Variants in CHDH observed in about 807,000 individuals in gnomAD.
CHDH encodes choline dehydrogenase, mitochondrial.
A neutral mutation model predicts 56.9 loss-of-function variants in CHDH; 43 were observed. That is an observed-to-expected ratio of 0.76 (90% CI 0.59 to 0.97). The LOEUF is 0.97. CHDH is among the 50% of genes least tolerant of loss of function. CHDH has a pLI of 0.00. For synonymous variants in CHDH, 364 were observed against 348.5 expected (o/e 1.04, Z -0.50); for missense variants, 816 against 821.1 (o/e 0.99, Z 0.08).
rs1053998560 is a variant in CHDH at position 53,813,777 on chromosome 3, G to A, written c.*4000C>T. 7.2e-5 allele frequency: 11 copies of A among 152,138 alleles called. No homozygotes were observed. The highest frequency in any genetic ancestry group is 2.7e-4 in the African/African-American group (11 of 41,422). 9.4% of individuals were successfully genotyped at this position (152,138 alleles called of 1,614,324 possible). On this transcript the variant is annotated 3_prime_UTR_variant, in exon 9 of 9. Coordinates refer to ENST00000315251, the MANE Select transcript of CHDH (RefSeq NM_018397.5). ...GGTTTTTTGTTTTCCCTTGTCTTAG[G>A]AAAGTTTTAAGATGAAATGTTTTTC...
At chr3:53,832,343 A>G (rs1698361046) in intron 2 of CHDH, among the ~76,000 whole-genome samples, 1 of 152,172 alleles carries the variant, frequency 6.6e-6, no homozygotes, top group African/African-American at 2.4e-5. Context: ...CATCCTGGAT[A>G]ACATGGTGAA....
At position 53,813,294 on chromosome 3, in the gene CHDH, GTTC is replaced by G. The variant is rs2095608871; in HGVS notation, c.*4480_*4482del. 6.6e-6 allele frequency: 1 copy of G among 152,144 alleles called. No individual in the cohort carries two copies. The highest frequency in any genetic ancestry group is 1.5e-5 in the Non-Finnish European group (1 of 68,016). The allele number at this position is 152,144 out of a possible 1,614,324, so 9.4% of individuals were successfully genotyped here. ...ATCCTTTTTTATTAAAATGCAAAATGTTCTTCAGAATAAAACTGTGTAATAATT... is the reference window on the plus strand; with the variant it reads ...ATCCTTTTTTATTAAAATGCAAAATGTTCAGAATAAAACTGTGTAATAATT... On this transcript the variant is annotated 3_prime_UTR_variant, in exon 9 of 9. Transcript: ENST00000315251.
intron 2 of CHDH, among the ~76,000 whole-genome samples, chr3:53,835,868 C>G (rs964810113): frequency 6.6e-6 from 1 of 152,130 alleles, no homozygotes; most frequent in African/African-American, 2.4e-5. Context: ...GAGAGGGAAA[C>G]GAGCCTGAAG....
chr3:53,814,536 G>T lies in CHDH; in HGVS notation c.*3241C>A, dbSNP rs1490084240. The T allele has an allele frequency of 6.6e-6, 1 of 152,182 alleles. No individual in the cohort carries two copies. The highest frequency in any genetic ancestry group is 1.5e-5 in the Non-Finnish European group (1 of 68,038). 9.4% of individuals were successfully genotyped at this position (152,182 alleles called of 1,614,324 possible). ...GAGGGCAGCCTGAGCCACTAAACAG[G>T]TCCAGTAGAGATGGTATTTTATCTT... is the stretch of plus-strand genomic sequence containing the variant. On this transcript the variant is annotated 3_prime_UTR_variant, in exon 9 of 9. Coordinates refer to ENST00000315251, the MANE Select transcript of CHDH (RefSeq NM_018397.5).
intron 6 of CHDH, 104 bp downstream of exon 6, chr3:53,820,370 T>C: frequency 5.9e-6 from 8 of 1,363,800 alleles, no homozygotes; most frequent in Non-Finnish European, 1.0e-6. Context: ...AATGGCATAG[T>C]TCCGCATCAA....
Position 53,822,473 on chromosome 3 carries a change from C to T in CHDH, c.855+18G>A. On this transcript the variant is annotated intron_variant, in intron 4 of 8. Coordinates refer to ENST00000315251, the MANE Select transcript of CHDH (RefSeq NM_018397.5). Reference sequence around the variant, plus strand: ...TGCCCACCCCCTTCTTCCAGGACCCCAGCTGCAGTCCACTCACCCTGTGGC... The same window carrying T: ...TGCCCACCCCCTTCTTCCAGGACCCTAGCTGCAGTCCACTCACCCTGTGGC... 6.3e-7 allele frequency: 1 copy of T among 1,598,140 alleles called. No individual in the cohort carries two copies. Among genetic ancestry groups the T allele is most frequent in the East Asian group, 2.2e-5 (1 of 44,494 alleles).
At position 53,815,381 on chromosome 3, in the gene CHDH, TCCTC is replaced by T. The variant is rs1223816945; in HGVS notation, c.*2392_*2395del. 1 of 152,248 alleles carries T rather than the reference TCCTC, an allele frequency of 6.6e-6. No individual in the cohort carries two copies. Among genetic ancestry groups the T allele is most frequent in the Non-Finnish European group, 1.5e-5 (1 of 68,058 alleles). The allele number at this position is 152,248 out of a possible 1,614,324, so 9.4% of individuals were successfully genotyped here. ...AGTGCCTTTCTCCCCCATGCTGGCTTCCTCAGGTGACAGCCTCTCCTCCTGGGGT... is the reference window on the plus strand; with the variant it reads ...AGTGCCTTTCTCCCCCATGCTGGCTTAGGTGACAGCCTCTCCTCCTGGGGT... On this transcript the variant is annotated 3_prime_UTR_variant, in exon 9 of 9. Transcript: ENST00000315251.
intron 2 of CHDH, among the ~76,000 whole-genome samples, chr3:53,827,445 C>T (rs1209203814): frequency 6.6e-6 from 1 of 151,906 alleles, no homozygotes; most frequent in East Asian, 1.9e-4. Context: ...TCAGGTAGTT[C>T]TTTATAGCAA....
intron 2 of CHDH, among the ~76,000 whole-genome samples, chr3:53,830,957 A>G (rs1389239026): frequency 6.6e-6 from 1 of 152,142 alleles, no homozygotes; most frequent in African/African-American, 2.4e-5. Context: ...GAGCACCAAG[A>G]GGGCTCTTGG....
chr3:53,833,340 C>A (rs913296039), intron 2 of CHDH, among the ~76,000 whole-genome samples: 5 of 152,170 alleles, frequency 3.3e-5, no homozygotes, highest in Non-Finnish European at 7.3e-5. Flanking sequence ...CCTTGATACT[C>A]CCACCCTCCC....
At chr3:53,830,402 T>TTATATATATA (rs34884918) in intron 2 of CHDH, among the ~76,000 whole-genome samples, 37 of 147,082 alleles carry the variant, frequency 2.5e-4, no homozygotes, top group African/African-American at 8.7e-4. Flanking sequence ...CTAAATGAGA[T>TTATATATATA]TATATATATA....
At chr3:53,826,958 G>A (rs112094818) in intron 2 of CHDH, among the ~76,000 whole-genome samples, 7,039 of 152,200 alleles carry the variant, frequency 0.046, 572 homozygotes, top group African/African-American at 0.16. Context: ...ACAAACAAGT[G>A]GAATTTGAAA....
At chr3:53,818,795 G>A in intron 8 of CHDH, 143 bp downstream of exon 8, 2 of 703,548 alleles carry the variant, frequency 2.8e-6, no homozygotes, top group Non-Finnish European at 5.2e-6. Context: ...CAAGTTTACA[G>A]CCTAAAGTGA....
At position 53,816,892 on chromosome 3, in the gene CHDH, C is replaced by T. The variant is rs2095616938; in HGVS notation, c.*885G>A. 1 of 139,410 alleles carries T rather than the reference C, an allele frequency of 7.2e-6. No homozygotes were observed. Among genetic ancestry groups the T allele is most frequent in the African/African-American group, 2.8e-5 (1 of 36,010 alleles). The allele number at this position is 139,410 out of a possible 1,614,324, so 8.6% of individuals were successfully genotyped here. On this transcript the variant is annotated 3_prime_UTR_variant, in exon 9 of 9. Transcript: ENST00000315251. ...ACAGGGTCTCACCCTGTCACCCAGG[C>T]TGGAGTGCAGTGGTGCCATCAGGGT... is the stretch of plus-strand genomic sequence containing the variant.
rs1278821177 is a variant in CHDH at position 53,812,727 on chromosome 3, T to C, written c.*5050A>G. The C allele has an allele frequency of 6.6e-6, 1 of 152,374 alleles. No individual in the cohort carries two copies. Among genetic ancestry groups the C allele is most frequent in the East Asian group, 1.9e-4 (1 of 5,182 alleles). The allele number at this position is 152,374 out of a possible 1,614,324, so 9.4% of individuals were successfully genotyped here. A position where few individuals can be genotyped will look rare whatever the true frequency, so the allele number is the denominator to read the frequency against. The stretch of plus-strand genomic sequence containing the variant: ...TGCAGAAATGCATAGGTGGATGAGA[T>C]ATAGCTGCTCTTGTCCTCTGGGGAC... On this transcript the variant is annotated 3_prime_UTR_variant, in exon 9 of 9. Coordinates refer to ENST00000315251, the MANE Select transcript of CHDH (RefSeq NM_018397.5).
At chr3:53,836,221 TC>T (rs1459239999) in intron 2 of CHDH, among the ~76,000 whole-genome samples, 1 of 152,016 alleles carries the variant, frequency 6.6e-6, no homozygotes, top group Non-Finnish European at 1.5e-5. Flanking sequence ...GGGCAGCTGC[TC>T]CTCCTCTCTC....
Position 53,840,928 on chromosome 3 carries a change from C to G in CHDH, c.-60+1G>C, listed in dbSNP as rs913804753. 6.6e-6 allele frequency: 1 copy of G among 152,166 alleles called. No individual in the cohort carries two copies. Among genetic ancestry groups the G allele is most frequent in the African/African-American group, 2.4e-5 (1 of 41,446 alleles). The allele number at this position is 152,166 out of a possible 1,614,324, so 9.4% of individuals were successfully genotyped here. On this transcript the variant is annotated splice_donor_variant, in intron 2 of 8. Coordinates refer to ENST00000315251, the MANE Select transcript of CHDH (RefSeq NM_018397.5). LOFTEE classifies it low-confidence loss of function (5UTR_SPLICE). ...TGAAATCTCAGTTAAAAAATACCCACCTCACATCCAGAAGTGACAGGATAC... is the reference window on the plus strand; with the variant it reads ...TGAAATCTCAGTTAAAAAATACCCAGCTCACATCCAGAAGTGACAGGATAC...
In CHDH at chr3:53,812,484, A is replaced by AGTCT. The variant is rs1431721941; in HGVS notation, c.*5289_*5292dup. The AGTCT allele has an allele frequency of 2.0e-5, 3 of 152,254 alleles. No individual in the cohort carries two copies. The highest frequency in any genetic ancestry group is 2.9e-5 in the Non-Finnish European group (2 of 68,040). 9.4% of individuals were successfully genotyped at this position (152,254 alleles called of 1,614,324 possible). ...CAAGATATACCAGATGACTATTTGC[A>AGTCT]GTCTTTTCTTTGGGCAAGAGTTCCA... On this transcript the variant is annotated 3_prime_UTR_variant, in exon 9 of 9. Transcript: ENST00000315251.
chr3:53,830,540 C>T (rs1248344788), intron 2 of CHDH, among the ~76,000 whole-genome samples: 1 of 151,752 alleles, frequency 6.6e-6, no homozygotes, highest in Non-Finnish European at 1.5e-5. Context: ...ATAAACAGTC[C>T]TACAACAATA....
Sources: gnomAD v4.1 joint callset for allele counts (sites outside exome capture counted in the v4.1 genomes callset) on GRCh38, gnomAD v4.1.1 for gene constraint, MANE v1.5 for transcripts, NCBI Gene and HGNC (gene_info 2026-07-23, HGNC 2026-07-21) for gene names.